The following SNX10 variants were observed in gnomAD, a reference collection of about 807,000 sequenced individuals.
The protein encoded by SNX10 is sorting nexin-10.
In SNX10, 25 loss-of-function variants were observed where a neutral mutation model predicts 28.5. The observed-to-expected ratio is 0.88, with a 90% CI of 0.64 to 1.22. The LOEUF is 1.22. Among genes scored for constraint, SNX10 ranks in the 50% most tolerant of loss-of-function variants. The pLI, the probability that SNX10 is intolerant of heterozygous loss-of-function variation, is 0.00. For missense variants in SNX10, 223 were observed against 242.6 expected, an observed-to-expected ratio of 0.92 and a Z score of 0.54; for synonymous variants, 62 against 81.4, an observed-to-expected ratio of 0.76 and a Z score of 1.28.
chr7:26,327,729 T>TC (rs1554354053), intron 1 of SNX10, among the ~76,000 whole-genome samples: 5 of 132,634 alleles, frequency 3.8e-5, no homozygotes, highest in South Asian at 2.5e-4. Flanking sequence ...TTCTTTTCTT[T>TC]TTTTTTTTTT....
chr7:26,371,816 T>C lies in SNX10; in HGVS notation c.312-5T>C. ...CAATTATTTTTCCTTTTTTTTTTAATATAGAGTCCTACAGAATGCACTTTT... is the reference window on the plus strand; with the variant it reads ...CAATTATTTTTCCTTTTTTTTTTAACATAGAGTCCTACAGAATGCACTTTT... On this transcript the variant is annotated splice_region_variant and splice_polypyrimidine_tract_variant and intron_variant, in intron 5 of 6. Coordinates refer to ENST00000338523, the MANE Select transcript of SNX10 (RefSeq NM_013322.3). 2 of 1,591,744 alleles carry C rather than the reference T, an allele frequency of 1.3e-6. No homozygotes were observed. The highest frequency in any genetic ancestry group is 8.6e-7 in the Non-Finnish European group (1 of 1,163,606).
intron 1 of SNX10, among the ~76,000 whole-genome samples, chr7:26,309,507 C>T (rs980698814): frequency 3.3e-5 from 5 of 152,114 alleles, no homozygotes; most frequent in Non-Finnish European, 7.4e-5. Flanking sequence ...TGACCCTAAC[C>T]AGGTCTGCCG....
At chr7:26,328,837 C>A (rs1787612106) in intron 1 of SNX10, among the ~76,000 whole-genome samples, 1 of 152,196 alleles carries the variant, frequency 6.6e-6, no homozygotes, top group African/African-American at 2.4e-5. Flanking sequence ...ACAGAGAATT[C>A]TTCTTGAATG....
chr7:26,304,468 G>A (rs1019730556), intron 1 of SNX10, among the ~76,000 whole-genome samples: 9 of 152,190 alleles, frequency 5.9e-5, no homozygotes, highest in African/African-American at 1.4e-4. Flanking sequence ...ACATCAGAAC[G>A]TGTCACTCCA....
intron 1 of SNX10, among the ~76,000 whole-genome samples, chr7:26,334,190 G>A (rs1005114885): frequency 2.6e-5 from 4 of 152,166 alleles, no homozygotes; most frequent in African/African-American, 7.2e-5. Context: ...TAAACTTGCT[G>A]TATCATAGTT....
chr7:26,301,514 G>A (rs1185233219), intron 1 of SNX10, among the ~76,000 whole-genome samples: 3 of 152,144 alleles, frequency 2.0e-5, no homozygotes, highest in East Asian at 1.9e-4. Context: ...ACCAAAGGGG[G>A]CACCAAAGGC....
chr7:26,339,342 C>T (rs1788079928), intron 1 of SNX10, among the ~76,000 whole-genome samples: 2 of 152,284 alleles, frequency 1.3e-5, no homozygotes, highest in South Asian at 4.1e-4. Flanking sequence ...GATCCTCCCA[C>T]CTCAGCATCC....
chr7:26,304,838 C>T (rs138212679), intron 1 of SNX10, among the ~76,000 whole-genome samples: 83 of 152,266 alleles, frequency 5.5e-4, no homozygotes, highest in African/African-American at 1.8e-3. Context: ...TTTTTAACCC[C>T]GGTGTCATCT....
At chr7:26,337,885 A>T (rs1473547925) in intron 1 of SNX10, among the ~76,000 whole-genome samples, 1 of 152,206 alleles carries the variant, frequency 6.6e-6, no homozygotes, top group Non-Finnish European at 1.5e-5. Context: ...AGGAACTGCT[A>T]TACTGTTTTC....
In SNX10 at chr7:26,361,009, T is replaced by C; in HGVS notation, c.59T>C (p.Ile20Thr). The C allele has an allele frequency of 6.2e-7, 1 of 1,612,202 alleles. No homozygotes were observed. Among genetic ancestry groups the C allele is most frequent in the Non-Finnish European group, 8.5e-7 (1 of 1,178,726 alleles). The change falls in exon 3 of 7, where the codon ATT becomes ACT. Residue 20 changes from isoleucine (I) to threonine (T), a missense_variant. Ile to Thr is a moderately conservative substitution (Grantham distance 89). Coordinates refer to ENST00000338523, the MANE Select transcript of SNX10 (RefSeq NM_013322.3). ...FVSVWVRDPRIQKEDFWHSYI... is the reference protein window; with the variant it reads ...FVSVWVRDPRTQKEDFWHSYI... ...AGTGTCTGGGTTCGAGATCCTAGGA[T>C]TCAGAAGGAGGACTTCTGGCATTCT...
chr7:26,294,773 C>A (rs987457683), intron 1 of SNX10, among the ~76,000 whole-genome samples: 2 of 152,204 alleles, frequency 1.3e-5, no homozygotes, highest in African/African-American at 4.8e-5. Context: ...ACGTTAACAA[C>A]CCTTGAGATA....
intron 1 of SNX10, among the ~76,000 whole-genome samples, chr7:26,342,242 G>T (rs923681675): frequency 6.6e-6 from 1 of 152,034 alleles, no homozygotes; most frequent in Admixed American, 6.6e-5. Flanking sequence ...TGCCAGGCTG[G>T]TCTCAAACTC....
intron 5 of SNX10, among the ~76,000 whole-genome samples, chr7:26,367,351 C>T (rs922817264): frequency 4.6e-5 from 7 of 152,224 alleles, no homozygotes; most frequent in Non-Finnish European, 1.0e-4. Context: ...GATTCATTAA[C>T]ACTGAATCTG....
chr7:26,369,567 T>G (rs1336340161), intron 5 of SNX10, among the ~76,000 whole-genome samples: 1 of 152,096 alleles, frequency 6.6e-6, no homozygotes, highest in East Asian at 1.9e-4. Context: ...ACAGAGGAGA[T>G]TCCAAAAACC....
chr7:26,292,433 G>T (rs949662129), intron 1 of SNX10, among the ~76,000 whole-genome samples: 25 of 152,224 alleles, frequency 1.6e-4, no homozygotes, highest in Admixed American at 1.6e-3. Context: ...CGGGTAGAAG[G>T]GGGTGGGGAG....
At chr7:26,307,118 G>T (rs554003794) in intron 1 of SNX10, among the ~76,000 whole-genome samples, 9 of 152,278 alleles carry the variant, frequency 5.9e-5, no homozygotes, top group Non-Finnish European at 1.2e-4. Context: ...AGTGAGTTGC[G>T]ATGCTTTTCC....
chr7:26,311,532 G>A (rs1783105868), intron 1 of SNX10, among the ~76,000 whole-genome samples: 1 of 152,204 alleles, frequency 6.6e-6, no homozygotes, highest in Non-Finnish European at 1.5e-5. Context: ...TTGTCAGGGT[G>A]TGTGGGGTTG....
chr7:26,328,029 A>G (rs777609439), intron 1 of SNX10, among the ~76,000 whole-genome samples: 10 of 152,008 alleles, frequency 6.6e-5, no homozygotes, highest in Non-Finnish European at 8.8e-5. Context: ...GCCCGGCCAC[A>G]TTCTTTTTCT....
At chr7:26,359,135 A>G (rs1204467490) in intron 2 of SNX10, among the ~76,000 whole-genome samples, 2 of 152,036 alleles carry the variant, frequency 1.3e-5, no homozygotes, top group African/African-American at 2.4e-5. Context: ...TGATTTTAAA[A>G]ATACACAATG....
Sources: gnomAD v4.1 joint callset for allele counts (sites outside exome capture counted in the v4.1 genomes callset) on GRCh38, gnomAD v4.1.1 for gene constraint, MANE v1.5 for transcripts, NCBI Gene and HGNC (gene_info 2026-07-23, HGNC 2026-07-21) for gene names.